Variants in PTCHD4 observed in about 807,000 individuals in gnomAD.
The protein encoded by PTCHD4 is patched domain-containing protein 4.
Under a neutral mutation model 58.1 loss-of-function variants are expected in PTCHD4, and 33 were observed. The ratio of observed to expected loss-of-function variants is 0.57; its 90% CI spans 0.43 to 0.76. PTCHD4 has a LOEUF of 0.76. PTCHD4 is among the 30% of genes least tolerant of loss of function. The probability of loss-of-function intolerance (pLI) is 0.00; values close to 1 mark genes in which losing one functional copy is unlikely to be tolerated. For missense variants in PTCHD4, 1,058 were observed against 1,027.1 expected (o/e 1.03, Z -0.41); for synonymous variants, 478 against 409.6 (o/e 1.17, Z -2.02).
chr6:47,882,679 G>T (rs1461808503), intron 4 of PTCHD4, among the ~76,000 whole-genome samples: 1 of 136,608 alleles, frequency 7.3e-6, no homozygotes, highest in Non-Finnish European at 1.6e-5. Flanking sequence ...TCTATTCATT[G>T]GTCTGTTAAG....
chr6:48,003,575 A>C (rs981858209), intron 4 of PTCHD4, among the ~76,000 whole-genome samples: 5 of 152,174 alleles, frequency 3.3e-5, no homozygotes, highest in African/African-American at 1.2e-4. Flanking sequence ...ATTTGCAATA[A>C]CCTGTTAAAT....
At chr6:48,066,819 G>T (rs979311736) in intron 3 of PTCHD4, among the ~76,000 whole-genome samples, 1 of 151,474 alleles carries the variant, frequency 6.6e-6, no homozygotes, top group Non-Finnish European at 1.5e-5. Context: ...AAAAAAGCAG[G>T]TTATAAGGTT....
intron 4 of PTCHD4, among the ~76,000 whole-genome samples, chr6:48,007,960 A>G (rs1184078617): frequency 2.1e-5 from 3 of 141,334 alleles, no homozygotes; most frequent in East Asian, 2.2e-4. Flanking sequence ...ACACACACAC[A>G]CACGCACCAC....
At chr6:47,985,056 T>G (rs977246587) in intron 4 of PTCHD4, among the ~76,000 whole-genome samples, 1 of 152,134 alleles carries the variant, frequency 6.6e-6, no homozygotes, top group Non-Finnish European at 1.5e-5. Flanking sequence ...TCCAACAAAT[T>G]TTCATTTACT....
At chr6:48,030,130 T>C (rs1192094235) in intron 3 of PTCHD4, among the ~76,000 whole-genome samples, 1 of 151,900 alleles carries the variant, frequency 6.6e-6, no homozygotes, top group African/African-American at 2.4e-5. Context: ...ATGAAATAAA[T>C]AAATAAGAAA....
At chr6:47,886,043 C>T (rs1347124446) in intron 4 of PTCHD4, among the ~76,000 whole-genome samples, 1 of 151,976 alleles carries the variant, frequency 6.6e-6, no homozygotes, top group African/African-American at 2.4e-5. Flanking sequence ...GTCTCAAACT[C>T]CCGACCTCAA....
chr6:47,991,263 CA>C (rs1406949372), intron 4 of PTCHD4, among the ~76,000 whole-genome samples: 1 of 151,646 alleles, frequency 6.6e-6, no homozygotes, highest in Non-Finnish European at 1.5e-5. Flanking sequence ...TGCAGAAAAC[CA>C]AAGACAAAGA....
At chr6:47,934,337 T>A (rs1007401758) in intron 4 of PTCHD4, among the ~76,000 whole-genome samples, 1 of 152,178 alleles carries the variant, frequency 6.6e-6, no homozygotes, top group Non-Finnish European at 1.5e-5. Context: ...ACTCAAATTG[T>A]CTGCAAGCCT....
At chr6:47,977,057 G>A (rs1767718228) in intron 4 of PTCHD4, among the ~76,000 whole-genome samples, 1 of 152,090 alleles carries the variant, frequency 6.6e-6, no homozygotes, top group Admixed American at 6.5e-5. Context: ...TTTATCATAA[G>A]GGAATAATTA....
intron 4 of PTCHD4, among the ~76,000 whole-genome samples, chr6:48,001,597 C>A (rs1177723394): frequency 6.6e-6 from 1 of 152,166 alleles, no homozygotes; most frequent in Non-Finnish European, 1.5e-5. Context: ...ACACCTTATA[C>A]AAAAATTAAT....
At chr6:48,056,843 C>T (rs1388249504) in intron 3 of PTCHD4, among the ~76,000 whole-genome samples, 1 of 152,208 alleles carries the variant, frequency 6.6e-6, no homozygotes, top group East Asian at 1.9e-4. Context: ...GACCATGTGA[C>T]ACTGAAGTCT....
intron 4 of PTCHD4, among the ~76,000 whole-genome samples, chr6:47,951,566 T>C (rs1257976101): frequency 6.6e-6 from 1 of 152,198 alleles, no homozygotes; most frequent in African/African-American, 2.4e-5. Context: ...TTCAGTTCTA[T>C]ACTCAGAAAT....
chr6:47,878,874 A>G lies in PTCHD4; in HGVS notation c.1961T>C (p.Val654Ala), dbSNP rs774846973. ...GCCTGCAATCAGAACAGGCACTGTGACAGACAAGCTGTAATGGTCCATGAA... is the reference window on the plus strand; with the variant it reads ...GCCTGCAATCAGAACAGGCACTGTGGCAGACAAGCTGTAATGGTCCATGAA... ...FVFMDHYSLS[V>A]TVPVLIAGFG... is the part of the protein sequence containing the mutation. The change falls in exon 5 of 5, where the codon GTC (valine) becomes GCC (alanine). Residue 654 changes from valine (V) to alanine (A), a missense_variant. By Grantham distance (64) the Val-to-Ala change is moderately conservative. Coordinates refer to ENST00000339488, the MANE Select transcript of PTCHD4 (RefSeq NM_001384253.1). The G allele has an allele frequency of 9.3e-6, 15 of 1,613,604 alleles. No individual in the cohort carries two copies. In the East Asian group the frequency reaches 3.1e-4, roughly 34 times the overall value.
Position 47,878,419 on chromosome 6 carries a change from A to G in PTCHD4, c.2416T>C (p.Phe806Leu), listed in dbSNP as rs375193303. 6.2e-6 allele frequency: 10 copies of G among 1,613,322 alleles called. No homozygotes were observed. Among genetic ancestry groups the G allele is most frequent in the Non-Finnish European group, 6.8e-6 (8 of 1,179,680 alleles). Reference protein sequence around the residue: ...CFVILPVFLTFFPPSKKHHKK... With the variant: ...CFVILPVFLTLFPPSKKHHKK... ...TGGTGCTTTTTGGAAGGGGGGAAAA[A>G]CGTTAGGAACACAGGTAAAATAACA... is the stretch of plus-strand genomic sequence containing the variant. Residue 806 changes from phenylalanine to leucine, a missense_variant, in exon 5 of 5, where the codon TTT becomes CTT. By Grantham distance (22) the Phe-to-Leu change is conservative. Coordinates refer to ENST00000339488, the MANE Select transcript of PTCHD4 (RefSeq NM_001384253.1).
In PTCHD4 at chr6:48,068,611, C is replaced by A. The variant is rs1281451806; in HGVS notation, c.36G>T (p.Trp12Cys). Residue 12 changes from tryptophan (W) to cysteine (C), a missense_variant, in exon 3 of 5, where the codon TGG (tryptophan) becomes TGT (cysteine). Trp to Cys is a radical substitution (Grantham distance 215). Transcript: ENST00000339488. The surrounding 1 kb of genome is among the most constrained non-coding windows in gnomAD (Gnocchi z 4.2). ...GAAGCACCTGCCGCAGCATCCTCCA[C>A]CAGATCCAGCTCGCAGGCGCTCCCG... ...RRPGAPASWI[W>C]WRMLRQVLRR... The A allele has an allele frequency of 1.3e-6, 2 of 1,572,906 alleles. No individual in the cohort carries two copies. The highest frequency in any genetic ancestry group is 1.7e-6 in the Non-Finnish European group (2 of 1,163,818).
At position 47,898,877 on chromosome 6, in the gene PTCHD4, G is replaced by A. The variant is rs757657558; in HGVS notation, c.899-18941C>T. Among the ~76,000 whole-genome samples the A allele has an allele frequency of 2.0e-5, 3 of 152,164 alleles. 1 individual carries two copies. Among genetic ancestry groups the A allele is most frequent in the African/African-American group, 4.8e-5 (2 of 41,448 alleles). Reference sequence around the variant, plus strand: ...AGAAGCAAGTGTCCTTTCTTTTTAGGTCCCTGCTGGTTTTGGGGACATTAG... The same window carrying A: ...AGAAGCAAGTGTCCTTTCTTTTTAGATCCCTGCTGGTTTTGGGGACATTAG... On this transcript the variant is annotated intron_variant, in intron 4 of 4. Coordinates refer to ENST00000339488, the MANE Select transcript of PTCHD4 (RefSeq NM_001384253.1).
At chr6:47,937,745 C>T (rs12206141) in intron 4 of PTCHD4, among the ~76,000 whole-genome samples, 5 of 152,108 alleles carry the variant, frequency 3.3e-5, no homozygotes, top group Non-Finnish European at 5.9e-5. Context: ...AGAACTGAGT[C>T]TAAGGCACTT....
In PTCHD4 at chr6:47,874,843, T is replaced by C. The variant is rs560506585; in HGVS notation, c.*3460A>G. Among the ~76,000 whole-genome samples, 3 of 151,922 alleles carry C rather than the reference T, an allele frequency of 2.0e-5. No homozygotes were observed. The highest frequency in any genetic ancestry group is 1.5e-5 in the Non-Finnish European group (1 of 67,824). On this transcript the variant is annotated 3_prime_UTR_variant, in exon 5 of 5. Transcript: ENST00000339488. ...GAATTCCTGGGAAGACATCTAAACA[T>C]GACTTTCATTAAAAAGAATTAAGGC...
intron 4 of PTCHD4, among the ~76,000 whole-genome samples, chr6:47,961,308 C>G (rs565045646): frequency 1.6e-3 from 212 of 136,074 alleles, no homozygotes; most frequent in Middle Eastern, 0.012. Context: ...TTTTTTCTTT[C>G]TTGAGACGGA....
Sources: gnomAD v4.1 joint callset for allele counts (sites outside exome capture counted in the v4.1 genomes callset) on GRCh38, gnomAD v4.1.1 for gene constraint, Gnocchi (gnomAD v3.1) non-coding constraint, MANE v1.5 for transcripts, NCBI Gene and HGNC (gene_info 2026-07-23, HGNC 2026-07-21) for gene names.